Variants in CASK observed in about 807,000 individuals in gnomAD.
The protein encoded by CASK is calcium/calmodulin dependent serine protein kinase.
CASK carries 4 observed loss-of-function variants against 82.9 expected under a neutral mutation model. The ratio of observed to expected loss-of-function variants is 0.05; its 90% CI spans 0.02 to 0.11. The LOEUF is 0.11. Ranked by LOEUF, CASK falls within the 10% of genes least tolerant of loss-of-function variation. The pLI is 1.00. For synonymous variants in CASK, 259 were observed against 253.5 expected (o/e 1.02, Z -0.20); for missense variants, 358 against 720.9 (o/e 0.50, Z 5.76).
At chrX:41,667,661 G>A (rs1351351602) in intron 6 of CASK, among the ~76,000 whole-genome samples, 1 of 111,286 alleles carries the variant, frequency 9.0e-6, no homozygotes, top group African/African-American at 3.3e-5. Flanking sequence ...CTGGGCTCAA[G>A]CGATCCTTCT....
At chrX:41,579,733 T>C (rs2065540951) in intron 14 of CASK, among the ~76,000 whole-genome samples, 1 of 111,289 alleles carries the variant, frequency 9.0e-6, no homozygotes, top group African/African-American at 3.3e-5. Flanking sequence ...GCTTTAAAAA[T>C]AATAACTCAT....
chrX:41,520,276 G>C lies in CASK; in HGVS notation c.*144C>G. 1 of 430,660 alleles carries C rather than the reference G, an allele frequency of 2.3e-6. No homozygotes were observed. The highest frequency in any genetic ancestry group is 4.0e-6 in the Non-Finnish European group (1 of 249,537). 35.5% of individuals were successfully genotyped at this position (430,660 alleles called of 1,213,427 possible). A position where few individuals can be genotyped will look rare whatever the true frequency, so the allele number is the denominator to read the frequency against. On this transcript the variant is annotated 3_prime_UTR_variant, in exon 27 of 27. Transcript: ENST00000378163. ...ATTGTTTTTCTCCTCCTATCTATTC[G>C]GACATGACAATAATTATAAATGTAG...
At chrX:41,867,095 T>C (rs2071604829) in intron 1 of CASK, among the ~76,000 whole-genome samples, 1 of 112,244 alleles carries the variant, frequency 8.9e-6, no homozygotes, top group African/African-American at 3.2e-5. Context: ...ATTTCATCAC[T>C]TGGCCTTCCA....
At chrX:41,794,072 T>A (rs1385453262) in intron 2 of CASK, among the ~76,000 whole-genome samples, 1 of 112,158 alleles carries the variant, frequency 8.9e-6, no homozygotes, top group African/African-American at 3.2e-5. Flanking sequence ...TTGATTCTTT[T>A]TTACATGTTT....
intron 2 of CASK, among the ~76,000 whole-genome samples, chrX:41,846,236 T>C (rs1287109416): frequency 1.8e-5 from 2 of 111,784 alleles, no homozygotes; most frequent in Non-Finnish European, 3.8e-5. Context: ...GGGGTACTAT[T>C]CAGTCATAAG....
intron 6 of CASK, 145 bp downstream of exon 6, chrX:41,671,283 C>G (rs1301110542): frequency 2.0e-6 from 1 of 499,613 alleles, no homozygotes; most frequent in Non-Finnish European, 3.6e-6. Context: ...AAATTAAAAA[C>G]TATCTGATGA....
intron 1 of CASK, among the ~76,000 whole-genome samples, chrX:41,891,483 C>T (rs990157299): frequency 3.6e-5 from 4 of 111,622 alleles, no homozygotes; most frequent in Admixed American, 9.5e-5. Context: ...GAGCAGGTTT[C>T]GAATCAATTA....
At chrX:41,564,907 A>G (rs930926775) in intron 16 of CASK, among the ~76,000 whole-genome samples, 22 of 112,425 alleles carry the variant, frequency 2.0e-4, no homozygotes, top group Non-Finnish European at 3.8e-4. Flanking sequence ...GAGCAATCAA[A>G]TTAGAACTCA....
intron 1 of CASK, among the ~76,000 whole-genome samples, chrX:41,906,959 C>T (rs1454632212): frequency 8.9e-6 from 1 of 112,920 alleles, no homozygotes; most frequent in African/African-American, 3.2e-5. Flanking sequence ...GGCGACAGAC[C>T]TAAGTAACCA....
chrX:41,873,283 CAAAA>C (rs1175165867), intron 1 of CASK, among the ~76,000 whole-genome samples: 1 of 31,298 alleles, frequency 3.2e-5, no homozygotes, highest in African/African-American at 1.2e-4. Flanking sequence ...TTCTTCCTCA[CAAAA>C]AAAAAAAAAA....
intron 12 of CASK, among the ~76,000 whole-genome samples, chrX:41,591,622 G>A (rs1357390714): frequency 9.0e-6 from 1 of 110,867 alleles, no homozygotes; most frequent in Non-Finnish European, 1.9e-5. Flanking sequence ...TCACAGGCGC[G>A]TGCCACCACG....
intron 5 of CASK, among the ~76,000 whole-genome samples, chrX:41,717,916 T>C (rs1008214630): frequency 8.9e-6 from 1 of 112,405 alleles, no homozygotes; most frequent in Non-Finnish European, 1.9e-5. Flanking sequence ...TCTTTTTGTA[T>C]GCTAATGAGG....
chrX:41,904,608 T>C (rs1416926846), intron 1 of CASK, among the ~76,000 whole-genome samples: 1 of 111,989 alleles, frequency 8.9e-6, no homozygotes, highest in East Asian at 2.8e-4. Flanking sequence ...ATCTTTTTTT[T>C]TCCTCTTTCC....
At chrX:41,623,550 C>A (rs968981473) in intron 10 of CASK, among the ~76,000 whole-genome samples, 6 of 110,888 alleles carry the variant, frequency 5.4e-5, no homozygotes, top group African/African-American at 2.0e-4. Context: ...AGGTGGATTA[C>A]AGGCGCGTGG....
chrX:41,654,831 C>A (rs2066912093), intron 8 of CASK, among the ~76,000 whole-genome samples: 1 of 111,124 alleles, frequency 9.0e-6, no homozygotes, highest in Non-Finnish European at 1.9e-5. Flanking sequence ...GTATTCACCC[C>A]AGTTTGGAGA....
chrX:41,522,500 T>C (rs1256222654), intron 26 of CASK, among the ~76,000 whole-genome samples: 2 of 112,005 alleles, frequency 1.8e-5, no homozygotes, highest in Admixed American at 9.5e-5. Context: ...ACTGTGGCTT[T>C]ACTTCATAAT....
intron 9 of CASK, among the ~76,000 whole-genome samples, chrX:41,636,021 C>T (rs1461845235): frequency 1.9e-5 from 2 of 106,366 alleles, no homozygotes; most frequent in African/African-American, 6.9e-5. Context: ...CTCAGCCTCC[C>T]GAGTAGCTGG....
At chrX:41,882,814 T>G (rs1194744636) in intron 1 of CASK, among the ~76,000 whole-genome samples, 1 of 111,651 alleles carries the variant, frequency 9.0e-6, no homozygotes, top group Non-Finnish European at 1.9e-5. Flanking sequence ...ACTGATGAAC[T>G]CCTTTCTTGG....
At chrX:41,727,375 C>T (rs1011892610) in intron 5 of CASK, 2 of 1,206,338 alleles carry the variant, frequency 1.7e-6, no homozygotes, top group East Asian at 3.0e-5. Flanking sequence ...TGCCATAAGC[C>T]GCTATGCTAC....
Sources: allele counts gnomAD v4.1 joint callset (sites outside exome capture counted in the v4.1 genomes callset), GRCh38; gene constraint gnomAD v4.1.1; transcripts MANE v1.5; gene names NCBI Gene and HGNC (gene_info 2026-07-23, HGNC 2026-07-21).